The following PACRG variants were observed in gnomAD, a reference collection of about 807,000 sequenced individuals.
PACRG encodes parkin coregulated gene protein.
Under a neutral mutation model 29.7 loss-of-function variants are expected in PACRG, and 29 were observed. The ratio of observed to expected loss-of-function variants is 0.98; its 90% CI spans 0.73 to 1.33. The LOEUF is 1.33. PACRG is among the 40% of genes most tolerant of loss of function. The probability of loss-of-function intolerance (pLI) is 0.00; values close to 1 mark genes in which losing one functional copy is unlikely to be tolerated. For synonymous variants in PACRG, 116 were observed against 118.7 expected, an observed-to-expected ratio of 0.98 and a Z score of 0.15; for missense variants, 279 against 316.2, an observed-to-expected ratio of 0.88 and a Z score of 0.89.
intron 4 of PACRG, among the ~76,000 whole-genome samples, chr6:163,274,861 CTTT>C (rs58333018): frequency 7.9e-6 from 1 of 126,324 alleles, no homozygotes; most frequent in African/African-American, 3.0e-5. Flanking sequence ...TTCTTTCTTT[CTTT>C]TTTTTTTTTT....
intron 2 of PACRG, among the ~76,000 whole-genome samples, chr6:162,887,546 T>A (rs943832720): frequency 1.3e-5 from 2 of 152,346 alleles, no homozygotes; most frequent in South Asian, 4.1e-4. Flanking sequence ...GTAATACTTA[T>A]GTGGACACGT....
At position 163,143,528 on chromosome 6, in the gene PACRG, G is replaced by A. The variant is rs74364982; in HGVS notation, c.613+54120G>A. The stretch of plus-strand genomic sequence containing the variant: ...GAGTTCTTGGCCTTCTTTATGCCAT[G>A]CAGCACTTGGACAGCCCAGGAAGGC... On this transcript the variant is annotated intron_variant, in intron 4 of 4. Transcript: ENST00000366888. Among the ~76,000 whole-genome samples, 76 of 152,302 alleles carry A rather than the reference G, an allele frequency of 5.0e-4. No homozygotes were observed. The East Asian group carries it at 0.013, about 26-fold the overall frequency.
chr6:163,292,575 A>ATTAT (rs1554242810), intron 4 of PACRG, among the ~76,000 whole-genome samples: 2,371 of 97,958 alleles, frequency 0.024, 68 homozygotes, highest in African/African-American at 0.074. Context: ...TAATTTATGT[A>ATTAT]TTATTTATTT....
intron 2 of PACRG, among the ~76,000 whole-genome samples, chr6:162,962,709 T>C (rs1351849020): frequency 6.6e-6 from 1 of 152,208 alleles, no homozygotes; most frequent in Non-Finnish European, 1.5e-5. Flanking sequence ...CCTCCAGAAC[T>C]GTAAGAAATA....
chr6:163,120,450 A>G (rs1816215275), intron 4 of PACRG, among the ~76,000 whole-genome samples: 1 of 152,016 alleles, frequency 6.6e-6, no homozygotes, highest in South Asian at 2.1e-4. Flanking sequence ...TTAGCTCCCA[A>G]AGGATCCTAT....
intron 4 of PACRG, among the ~76,000 whole-genome samples, chr6:163,187,332 TC>T (rs766123304): frequency 4.6e-5 from 7 of 152,100 alleles, no homozygotes; most frequent in Non-Finnish European, 1.0e-4. Context: ...CCCACGCCAG[TC>T]AGTGCACCCA....
intron 2 of PACRG, among the ~76,000 whole-genome samples, chr6:162,876,301 G>A (rs1332077708): frequency 6.6e-6 from 1 of 152,156 alleles, no homozygotes; most frequent in Non-Finnish European, 1.5e-5. Flanking sequence ...AGATTCCACT[G>A]GAAACCATCA....
At chr6:162,804,494 A>T (rs1786151262) in intron 1 of PACRG, among the ~76,000 whole-genome samples, 1 of 152,162 alleles carries the variant, frequency 6.6e-6, no homozygotes, top group African/African-American at 2.4e-5. Flanking sequence ...CTTGTCTGTG[A>T]AATAATTTTC....
chr6:162,875,281 A>G (rs1793224958), intron 2 of PACRG, among the ~76,000 whole-genome samples: 1 of 148,308 alleles, frequency 6.7e-6, no homozygotes, highest in African/African-American at 2.6e-5. Flanking sequence ...ATCCACACAC[A>G]TTCACACACA....
At chr6:163,308,146 A>G (rs1785260772) in intron 4 of PACRG, among the ~76,000 whole-genome samples, 1 of 152,232 alleles carries the variant, frequency 6.6e-6, no homozygotes, top group African/African-American at 2.4e-5. Context: ...CTTAATTCAT[A>G]TTAAAAAAAC....
In PACRG at chr6:163,095,528, G is replaced by T. The variant is rs1307066691; in HGVS notation, c.613+6120G>T. 3 of 799,200 alleles carry T rather than the reference G, an allele frequency of 3.8e-6. No homozygotes were observed. In the East Asian group the frequency reaches 3.8e-4, roughly 102 times the overall value. The allele number at this position is 799,200 out of a possible 1,614,324, so 49.5% of individuals were successfully genotyped here. On this transcript the variant is annotated intron_variant, in intron 4 of 4. Transcript: ENST00000366888. ...CGTCTCCCAGTTCTGGAGGCTACGA[G>T]TTAAAGATCAAGGTGTGGACAGGGC... is the stretch of plus-strand genomic sequence containing the variant.
Position 163,008,034 on chromosome 6 carries a change from T to C in PACRG, c.292-54116T>C, listed in dbSNP as rs150940621. Among the ~76,000 whole-genome samples, 766 of 152,314 alleles carry C rather than the reference T, an allele frequency of 5.0e-3. 11 individuals carry two copies. Among genetic ancestry groups the C allele is most frequent in the African/African-American group, 0.017 (711 of 41,560 alleles). ...GGCACTACATAGAATATTCTTATTG[T>C]TGTTGTACTGGATTTACAAACTCTA... On this transcript the variant is annotated intron_variant, in intron 2 of 4. Coordinates refer to ENST00000366888, the MANE Select transcript of PACRG (RefSeq NM_001080379.2).
intron 4 of PACRG, among the ~76,000 whole-genome samples, chr6:163,278,747 C>T (rs1207398680): frequency 3.3e-5 from 5 of 152,088 alleles, no homozygotes; most frequent in Admixed American, 1.3e-4. Flanking sequence ...CCTTACATTA[C>T]AGTTTGAAGT....
chr6:163,112,316 G>T (rs1317530104), intron 4 of PACRG, among the ~76,000 whole-genome samples: 1 of 152,234 alleles, frequency 6.6e-6, no homozygotes, highest in African/African-American at 2.4e-5. Flanking sequence ...ATGGCAGGGA[G>T]CTGTGCACCT....
chr6:163,037,619 C>T (rs1808322923), intron 2 of PACRG, among the ~76,000 whole-genome samples: 1 of 152,312 alleles, frequency 6.6e-6, no homozygotes, highest in East Asian at 1.9e-4. Flanking sequence ...CTTCTTCGGC[C>T]CATGCCCTGA....
intron 4 of PACRG, among the ~76,000 whole-genome samples, chr6:163,293,272 T>C (rs1171063537): frequency 6.6e-6 from 1 of 152,202 alleles, no homozygotes; most frequent in Admixed American, 6.5e-5. Context: ...GATGGCAGCA[T>C]TGCATGCACA....
chr6:162,751,020 G>A (rs984065603), intron 1 of PACRG, among the ~76,000 whole-genome samples: 1 of 152,128 alleles, frequency 6.6e-6, no homozygotes, highest in South Asian at 2.1e-4. Flanking sequence ...CTTTACCTTC[G>A]TTTACAAATG....
intron 2 of PACRG, among the ~76,000 whole-genome samples, chr6:162,963,766 A>G (rs927198783): frequency 1.3e-5 from 2 of 151,878 alleles, no homozygotes; most frequent in South Asian, 2.1e-4. Flanking sequence ...ATTCACCAGT[A>G]TCAGGAGGTT....
chr6:163,252,597 C>T (rs1273187844), intron 4 of PACRG, among the ~76,000 whole-genome samples: 1 of 152,192 alleles, frequency 6.6e-6, no homozygotes, highest in African/African-American at 2.4e-5. Flanking sequence ...TGTCATCTTT[C>T]CACTCCTAAG....
Sources: gnomAD v4.1 joint callset for allele counts (sites outside exome capture counted in the v4.1 genomes callset) on GRCh38, gnomAD v4.1.1 for gene constraint, MANE v1.5 for transcripts, NCBI Gene and HGNC (gene_info 2026-07-23, HGNC 2026-07-21) for gene names.